CYP2E1: variants seen among roughly 807,000 people sequenced by gnomAD.
CYP2E1 encodes cytochrome P450 family 2 subfamily E member 1, also known as cytochrome P450 2E1.
Under a neutral mutation model 42.9 loss-of-function variants are expected in CYP2E1, and 31 were observed. The ratio of observed to expected loss-of-function variants is 0.72; its 90% CI spans 0.54 to 0.98. The LOEUF (loss-of-function observed/expected upper bound fraction) is 0.98. Among genes scored for constraint, CYP2E1 ranks in the 50% least tolerant of loss-of-function variants. CYP2E1 has a pLI of 0.00. For missense variants in CYP2E1, 565 were observed against 633.2 expected, an observed-to-expected ratio of 0.89 and a Z score of 1.16; for synonymous variants, 244 against 248.9, an observed-to-expected ratio of 0.98 and a Z score of 0.19.
intron 2 of CYP2E1, among the ~76,000 whole-genome samples, chr10:133,529,698 G>C (rs1483132020): frequency 1.3e-5 from 2 of 152,258 alleles, no homozygotes; most frequent in Non-Finnish European, 2.9e-5. Flanking sequence ...TCGCGCTCTT[G>C]AGCGTGCGCT....
rs1407019265 is a variant in CYP2E1, at chr10:133,538,579, C to T, written c.1298-201C>T. On this transcript the variant is annotated intron_variant, in intron 8 of 8. Coordinates refer to ENST00000252945, the MANE Select transcript of CYP2E1 (RefSeq NM_000773.4). ...AATTGAGATTGTATGAAGACTGGTC[C>T]CCGAATTAGTCAGTGTTGCTGGTAT... Among the ~76,000 whole-genome samples, 4 of 152,080 alleles carry T rather than the reference C, an allele frequency of 2.6e-5. 1 individual carries two copies. Among genetic ancestry groups the T allele is most frequent in the African/African-American group, 4.8e-5 (2 of 41,388 alleles).
Position 133,532,848 on chromosome 10 carries a change from C to T in CYP2E1, c.805C>T (p.Leu269=). 2.5e-6 allele frequency: 4 copies of T among 1,606,060 alleles called. No individual in the cohort carries two copies. The highest frequency in any genetic ancestry group is 3.4e-6 in the Non-Finnish European group (4 of 1,178,100). ...CTGTCCCCGGGACCTCACCGACTGC[C>T]TGCTCGTGGAAATGGAGAAGGTAGG... ...PNCPRDLTDC[L]LVEMEKEKHS... The change falls in exon 5 of 9, where the codon CTG becomes TTG. Residue 269 remains leucine (L), a synonymous_variant. Coordinates refer to ENST00000252945, the MANE Select transcript of CYP2E1 (RefSeq NM_000773.4).
rs552545136 is a variant in CYP2E1 at position 133,537,600 on chromosome 10, T to C, written c.1156-151T>C. ...TTAGACCTGACCCCTGACTGCTTTC[T>C]ATCTAATCCTTCACTAAGCAACTCC... On this transcript the variant is annotated intron_variant, in intron 7 of 8. Transcript: ENST00000252945. 44 of 677,148 alleles carry C rather than the reference T, an allele frequency of 6.5e-5. No homozygotes were observed. The African/African-American group carries it at 7.5e-4, about 11-fold the overall frequency. The allele number at this position is 677,148 out of a possible 1,614,324, so 41.9% of individuals were successfully genotyped here.
rs1056626434 is a variant in CYP2E1 at position 133,531,942 on chromosome 10, A to G, written c.488-182A>G. 1.9e-5 allele frequency: 14 copies of G among 742,420 alleles called. No individual in the cohort carries two copies. The African/African-American group carries it at 1.9e-4, about 10-fold the overall frequency. 46.0% of individuals were successfully genotyped at this position (742,420 alleles called of 1,614,324 possible). A position where few individuals can be genotyped will look rare whatever the true frequency, so the allele number is the denominator to read the frequency against. On this transcript the variant is annotated intron_variant, in intron 3 of 8. Coordinates refer to ENST00000252945, the MANE Select transcript of CYP2E1 (RefSeq NM_000773.4). The stretch of plus-strand genomic sequence containing the variant: ...GGTGGCCATTAAACACGTGACTTGT[A>G]TCCTAAATACTGTTGAAAAGCAAAG...
intron 8 of CYP2E1, among the ~76,000 whole-genome samples, chr10:133,538,366 T>TGA (rs1851431526): frequency 1.3e-5 from 2 of 152,260 alleles, no homozygotes; most frequent in African/African-American, 2.4e-5. Context: ...GGCCTCATCT[T>TGA]AGGGATTGTT....
At chr10:133,534,521 C>G (rs559981500) in intron 6 of CYP2E1, among the ~76,000 whole-genome samples, 1 of 152,132 alleles carries the variant, frequency 6.6e-6, no homozygotes, top group Non-Finnish European at 1.5e-5. Context: ...TGAGGGCACC[C>G]GCATGCAAAC....
At chr10:133,535,235 G>A (rs1589956002) in intron 6 of CYP2E1, among the ~76,000 whole-genome samples, 1 of 152,140 alleles carries the variant, frequency 6.6e-6, no homozygotes, top group Non-Finnish European at 1.5e-5. Flanking sequence ...TCAGGAGGCT[G>A]AGGCAGGAGA....
rs745886844 is a variant in CYP2E1, at chr10:133,532,803, C to T, written c.760C>T (p.His254Tyr). 2 of 1,613,342 alleles carry T rather than the reference C, an allele frequency of 1.2e-6. No homozygotes were observed. Among genetic ancestry groups the T allele is most frequent in the Admixed American group, 1.7e-5 (1 of 59,934 alleles). Reference sequence around the variant, plus strand: ...TGTGTCTGAAAGGGTGAAGGAGCACCATCAATCTCTGGACCCCAACTGTCC... The same window carrying T: ...TGTGTCTGAAAGGGTGAAGGAGCACTATCAATCTCTGGACCCCAACTGTCC... ...EYVSERVKEHHQSLDPNCPRD... is the reference protein window; with the variant it reads ...EYVSERVKEHYQSLDPNCPRD... Residue 254 changes from histidine (H) to tyrosine (Y), a missense_variant, in exon 5 of 9, where the codon CAT becomes TAT. His to Tyr is a moderately conservative substitution (Grantham distance 83). Coordinates refer to ENST00000252945, the MANE Select transcript of CYP2E1 (RefSeq NM_000773.4).
At chr10:133,531,943 T>A in intron 3 of CYP2E1, 181 bp from the exon 4 acceptor site, 2 of 740,602 alleles carry the variant, frequency 2.7e-6, no homozygotes, top group Non-Finnish European at 4.3e-6. Flanking sequence ...GTGACTTGTA[T>A]CCTAAATACT....
At chr10:133,537,984 C>G (rs978768718) in intron 8 of CYP2E1, 92 bp downstream of exon 8, 1 of 1,279,526 alleles carries the variant, frequency 7.8e-7, no homozygotes. Flanking sequence ...TCCCAGGCAC[C>G]CACTGACACC....
In CYP2E1 at chr10:133,532,108, A is replaced by C. The variant is rs1236879231; in HGVS notation, c.488-16A>C. 1 of 1,609,410 alleles carries C rather than the reference A, an allele frequency of 6.2e-7. No homozygotes were observed. Among genetic ancestry groups the C allele is most frequent in the Non-Finnish European group, 8.5e-7 (1 of 1,176,726 alleles). On this transcript the variant is annotated splice_polypyrimidine_tract_variant and intron_variant, in intron 3 of 8. Coordinates refer to ENST00000252945, the MANE Select transcript of CYP2E1 (RefSeq NM_000773.4). ...TCACCCCCATCTTCTGGTTGCCCTGACTGCCTGTTTTGTAGGCCAGCCTTT... is the reference window on the plus strand; with the variant it reads ...TCACCCCCATCTTCTGGTTGCCCTGCCTGCCTGTTTTGTAGGCCAGCCTTT...
Position 133,536,931 on chromosome 10 carries a change from G to A in CYP2E1, c.968-132G>A, listed in dbSNP as rs191085770. On this transcript the variant is annotated intron_variant, in intron 6 of 8. Transcript: ENST00000252945. Reference sequence around the variant, plus strand: ...GGATGGATGGATGGAGGGGTGTATAGATGGAGGGGTGGATGGATGTGTAGG... The same window carrying A: ...GGATGGATGGATGGAGGGGTGTATAAATGGAGGGGTGGATGGATGTGTAGG... 20 of 704,636 alleles carry A rather than the reference G, an allele frequency of 2.8e-5. No homozygotes were observed. The African/African-American group carries it at 3.3e-4, about 12-fold the overall frequency. The allele number at this position is 704,636 out of a possible 1,614,324, so 43.6% of individuals were successfully genotyped here.
chr10:133,537,388 C>T (rs913168689), intron 7 of CYP2E1, 138 bp downstream of exon 7: 6 of 820,548 alleles, frequency 7.3e-6, no homozygotes, highest in Non-Finnish European at 1.1e-5. Context: ...GCCCCACTCC[C>T]ACCCTGTGGG....
At chr10:133,530,419 G>T (rs1338880790) in intron 2 of CYP2E1, among the ~76,000 whole-genome samples, 1 of 152,076 alleles carries the variant, frequency 6.6e-6, no homozygotes, top group Non-Finnish European at 1.5e-5. Context: ...TGTCTCCTCA[G>T]TCCTTCCTCC....
In CYP2E1 at chr10:133,533,891, A is replaced by G. The variant is rs1251438410; in HGVS notation, c.961A>G (p.Ile321Val). ...GLLILMKYPE[I>V]EEKLHEEIDR... is the part of the protein sequence containing the mutation. ...CCTGATTCTCATGAAATACCCTGAG[A>G]TCGAAGGTAGGCAAGTGACTGAAGG... is the stretch of plus-strand genomic sequence containing the variant. The change falls in exon 6 of 9, where the codon ATC becomes GTC. Residue 321 changes from isoleucine to valine, a missense_variant. By Grantham distance (29) the Ile-to-Val change is conservative. Transcript: ENST00000252945. 6.2e-6 allele frequency: 10 copies of G among 1,613,958 alleles called. No homozygotes were observed. The highest frequency in any genetic ancestry group is 1.3e-5 in the African/African-American group (1 of 74,936).
In CYP2E1 at chr10:133,532,203, T is replaced by C. The variant is rs1449003204; in HGVS notation, c.567T>C (p.Phe189=). The change falls in exon 4 of 9, where the codon TTT becomes TTC. Residue 189 remains phenylalanine (F), a synonymous_variant. Coordinates refer to ENST00000252945, the MANE Select transcript of CYP2E1 (RefSeq NM_000773.4). ...CCGACATCCTCTTCCGCAAGCATTT[T>C]GACTACAATGATGAGAAGTTTCTAA... The part of the protein sequence containing the change: ...VIADILFRKH[F]DYNDEKFLRL... 3 of 1,614,030 alleles carry C rather than the reference T, an allele frequency of 1.9e-6. No individual in the cohort carries two copies. Among genetic ancestry groups the C allele is most frequent in the Non-Finnish European group, 2.5e-6 (3 of 1,180,010 alleles).
intron 2 of CYP2E1, 143 bp downstream of exon 2, chr10:133,528,783 A>C: frequency 8.8e-7 from 1 of 1,136,886 alleles, no homozygotes; most frequent in South Asian, 1.6e-5. Context: ...GATCAGGATT[A>C]GGGCGATGGC....
chr10:133,529,091 T>G (rs1216024632), intron 2 of CYP2E1, among the ~76,000 whole-genome samples: 2 of 152,178 alleles, frequency 1.3e-5, no homozygotes. Context: ...GCTGGTGACC[T>G]CCAGAGAGGG....
intron 1 of CYP2E1, chr10:133,528,247 G>A (rs1851294504): frequency 4.2e-6 from 2 of 476,732 alleles, no homozygotes; most frequent in South Asian, 7.1e-5. Flanking sequence ...AGTTGTCCGC[G>A]GAGTCCAGGC....
Sources: allele counts gnomAD v4.1 joint callset (sites outside exome capture counted in the v4.1 genomes callset), GRCh38; gene constraint gnomAD v4.1.1; transcripts MANE v1.5; gene names NCBI Gene and HGNC (gene_info 2026-07-23, HGNC 2026-07-21).